RETREG1: variants seen among roughly 807,000 people sequenced by gnomAD.
RETREG1 encodes the protein family with sequence similarity 134 member B.
In RETREG1, 44 loss-of-function variants were observed where a neutral mutation model predicts 54.8. The observed-to-expected ratio is 0.80, with a 90% CI of 0.63 to 1.03. RETREG1 has a LOEUF of 1.03. Among genes scored for constraint, RETREG1 ranks in the 50% least tolerant of loss-of-function variants. The pLI is 0.00. For synonymous variants in RETREG1, 217 were observed against 238.5 expected (o/e 0.91, Z 0.83); for missense variants, 554 against 605.1 (o/e 0.92, Z 0.89).
chr5:16,605,243 G>A (rs1188956215), intron 1 of RETREG1, among the ~76,000 whole-genome samples: 2 of 152,178 alleles, frequency 1.3e-5, no homozygotes, highest in African/African-American at 2.4e-5. Flanking sequence ...CTCCTTCAGA[G>A]AGAAATCAGA....
intron 1 of RETREG1, among the ~76,000 whole-genome samples, chr5:16,613,680 A>G (rs559117997): frequency 2.0e-5 from 3 of 152,250 alleles, no homozygotes; most frequent in Non-Finnish European, 4.4e-5. Flanking sequence ...AATGAAATAC[A>G]TCAATTAAAG....
intron 3 of RETREG1, among the ~76,000 whole-genome samples, chr5:16,517,653 AT>A (rs1473079335): frequency 2.0e-5 from 3 of 152,106 alleles, no homozygotes; most frequent in Non-Finnish European, 4.4e-5. Context: ...TCTTAGTTCA[AT>A]TCATCATCTG....
chr5:16,518,490 C>T (rs1320096129), intron 3 of RETREG1, among the ~76,000 whole-genome samples: 1 of 151,664 alleles, frequency 6.6e-6, no homozygotes, highest in African/African-American at 2.4e-5. Context: ...TCCATCTTAT[C>T]CTTTTGCCTG....
intron 3 of RETREG1, among the ~76,000 whole-genome samples, chr5:16,514,109 T>C (rs1740270262): frequency 6.6e-6 from 1 of 152,256 alleles, no homozygotes; most frequent in South Asian, 2.1e-4. Flanking sequence ...AAGGAATTTG[T>C]CACTCTCATT....
At chr5:16,488,518 T>C (rs1394491523) in intron 3 of RETREG1, among the ~76,000 whole-genome samples, 3 of 151,714 alleles carry the variant, frequency 2.0e-5, no homozygotes, top group African/African-American at 7.3e-5. Flanking sequence ...CAGAGGGAGA[T>C]AAAGGGAGAG....
At chr5:16,567,998 G>T (rs977340337) in intron 2 of RETREG1, among the ~76,000 whole-genome samples, 1 of 151,910 alleles carries the variant, frequency 6.6e-6, no homozygotes, top group African/African-American at 2.4e-5. Context: ...AGAAAGCGGG[G>T]GGCAGATATG....
chr5:16,562,742 C>A (rs1381538183), intron 3 of RETREG1, among the ~76,000 whole-genome samples: 1 of 152,110 alleles, frequency 6.6e-6, no homozygotes, highest in Non-Finnish European at 1.5e-5. Flanking sequence ...ACTAGTACAC[C>A]TCAAAACTGC....
At chr5:16,587,630 C>T (rs902570933) in intron 1 of RETREG1, among the ~76,000 whole-genome samples, 1 of 152,194 alleles carries the variant, frequency 6.6e-6, no homozygotes, top group Non-Finnish European at 1.5e-5. Context: ...TTCCAATATA[C>T]CTGACCCTGT....
intron 1 of RETREG1, among the ~76,000 whole-genome samples, chr5:16,579,739 T>G (rs1742432845): frequency 6.6e-6 from 1 of 152,198 alleles, no homozygotes; most frequent in African/African-American, 2.4e-5. Context: ...TTTCTTTCAT[T>G]TAGCAAAATG....
intron 1 of RETREG1, chr5:16,615,865 T>C (rs1438698739): frequency 1.3e-5 from 2 of 152,248 alleles, no homozygotes; most frequent in Admixed American, 1.3e-4. Context: ...ATGAGGACAC[T>C]TAGCAAACAA....
chr5:16,531,607 G>A (rs1042267530), intron 3 of RETREG1, among the ~76,000 whole-genome samples: 4 of 152,150 alleles, frequency 2.6e-5, no homozygotes, highest in Non-Finnish European at 4.4e-5. Flanking sequence ...GGTCTGGGGG[G>A]TGGCAGAAAA....
intron 3 of RETREG1, among the ~76,000 whole-genome samples, chr5:16,488,893 C>T (rs912950291): frequency 1.3e-5 from 2 of 151,768 alleles, no homozygotes; most frequent in African/African-American, 4.8e-5. Flanking sequence ...GACCATCTTG[C>T]CCAACACGGT....
intron 5 of RETREG1, among the ~76,000 whole-genome samples, chr5:16,480,422 A>G (rs996083109): frequency 1.3e-5 from 2 of 152,102 alleles, no homozygotes; most frequent in Admixed American, 1.3e-4. Context: ...ACTACATATA[A>G]ATCTGTTATG....
At chr5:16,508,322 TA>T (rs1740043379) in intron 3 of RETREG1, among the ~76,000 whole-genome samples, 1 of 152,228 alleles carries the variant, frequency 6.6e-6, no homozygotes, top group East Asian at 1.9e-4. Flanking sequence ...AACACTTTTT[TA>T]AAAAATTTCA....
intron 3 of RETREG1, among the ~76,000 whole-genome samples, chr5:16,535,484 T>C (rs1311232523): frequency 2.0e-5 from 3 of 152,172 alleles, no homozygotes; most frequent in Non-Finnish European, 2.9e-5. Flanking sequence ...CTGGGGTTCC[T>C]GCATGCACGC....
chr5:16,495,021 C>T (rs946288525), intron 3 of RETREG1, among the ~76,000 whole-genome samples: 2 of 152,138 alleles, frequency 1.3e-5, no homozygotes, highest in Non-Finnish European at 2.9e-5. Context: ...GCAAAGGTCA[C>T]TTTTACTATG....
intron 1 of RETREG1, 161 bp downstream of exon 1, chr5:16,616,491 G>GTGTC: frequency 1.6e-6 from 2 of 1,267,282 alleles, no homozygotes; most frequent in Non-Finnish European, 2.1e-6. Context: ...GTTGCGGTGA[G>GTGTC]TGTCTACCTG....
At chr5:16,587,550 T>A (rs1742657182) in intron 1 of RETREG1, among the ~76,000 whole-genome samples, 1 of 152,220 alleles carries the variant, frequency 6.6e-6, no homozygotes, top group Non-Finnish European at 1.5e-5. Flanking sequence ...TGGACGTCTA[T>A]CTTTCAAATC....
intron 3 of RETREG1, among the ~76,000 whole-genome samples, chr5:16,525,101 A>G (rs1046605386): frequency 7.9e-4 from 68 of 86,366 alleles, no homozygotes; most frequent in African/African-American, 2.8e-3. Flanking sequence ...TGCATCCTCC[A>G]GCCCCTGCAG....
Sources: gnomAD v4.1 joint callset for allele counts (sites outside exome capture counted in the v4.1 genomes callset) on GRCh38, gnomAD v4.1.1 for gene constraint, MANE v1.5 for transcripts, NCBI Gene and HGNC (gene_info 2026-07-23, HGNC 2026-07-21) for gene names.